Variants in ZNF66 observed in about 807,000 individuals in gnomAD.
ZNF66 encodes the protein putative zinc finger protein 66.
A neutral mutation model predicts 35.2 loss-of-function variants in ZNF66; 32 were observed. The observed-to-expected ratio is 0.91, with a 90% CI of 0.69 to 1.22. The LOEUF (loss-of-function observed/expected upper bound fraction) is 1.22. Ranked by LOEUF, ZNF66 falls within the 50% of genes most tolerant of loss-of-function variation. ZNF66 has a pLI of 0.00. For synonymous variants in ZNF66, 231 were observed against 181.3 expected (o/e 1.27, Z -2.20); for missense variants, 666 against 543.1 (o/e 1.23, Z -2.25).
rs763204346 is a variant in ZNF66 at position 20,806,402 on chromosome 19, C to T, written c.802C>T (p.Arg268Cys). Reference protein sequence around the residue: ...KCEECGKAFKRSSILTTHKRI... With the variant: ...KCEECGKAFKCSSILTTHKRI... ...TGAAGAATGTGGCAAGGCCTTTAAGCGCTCCTCTATCCTTACTACACATAA... is the reference window on the plus strand; with the variant it reads ...TGAAGAATGTGGCAAGGCCTTTAAGTGCTCCTCTATCCTTACTACACATAA... Residue 268 changes from arginine to cysteine, a missense_variant, in exon 4 of 4, where the codon CGC becomes TGC. Transcript: ENST00000344519. The T allele has an allele frequency of 7.1e-4, 1,098 of 1,538,396 alleles. 3 individuals carry two copies. The highest frequency in any genetic ancestry group is 9.1e-4 in the Non-Finnish European group (1,029 of 1,124,824).
At chr19:20,793,332 C>CTTTTCTTTTTT (rs1555782697) in intron 2 of ZNF66, among the ~76,000 whole-genome samples, 1 of 84,608 alleles carries the variant, frequency 1.2e-5, no homozygotes, top group East Asian at 3.8e-4. Flanking sequence ...CTTTTCTTTT[C>CTTTTCTTTTTT]TTTTTTTTTT....
At chr19:20,784,569 C>G (rs999392189) in intron 1 of ZNF66, 1 of 152,120 alleles carries the variant, frequency 6.6e-6, no homozygotes, top group Non-Finnish European at 1.5e-5. Context: ...TTCCACTATA[C>G]GAACACAATC....
At chr19:20,791,104 C>T (rs1162751884) in intron 1 of ZNF66, among the ~76,000 whole-genome samples, 1 of 152,124 alleles carries the variant, frequency 6.6e-6, no homozygotes, top group Non-Finnish European at 1.5e-5. Flanking sequence ...TTGGGGAAAA[C>T]TGTGGTCCTT....
At chr19:20,778,169 C>T (rs1003462958) in intron 1 of ZNF66, among the ~76,000 whole-genome samples, 3 of 152,222 alleles carry the variant, frequency 2.0e-5, no homozygotes, top group East Asian at 1.9e-4. Context: ...GGCGTGATCT[C>T]GGCTCACGCA....
intron 1 of ZNF66, among the ~76,000 whole-genome samples, chr19:20,781,468 A>G (rs938074349): frequency 5.3e-5 from 8 of 151,452 alleles, no homozygotes; most frequent in Admixed American, 5.3e-4. Context: ...CTTACTTATA[A>G]ATGATAGTAC....
chr19:20,792,684 T>C, intron 2 of ZNF66, 46 bp downstream of exon 2: 1 of 1,060,562 alleles, frequency 9.4e-7, no homozygotes, highest in Non-Finnish European at 1.4e-6. Flanking sequence ...ACAAATTGTT[T>C]TATTTCTCTT....
intron 3 of ZNF66, among the ~76,000 whole-genome samples, chr19:20,795,360 T>C (rs1214484050): frequency 1.6e-5 from 2 of 124,078 alleles, no homozygotes; most frequent in African/African-American, 6.0e-5. Context: ...GTGGGTTTCT[T>C]TTTTTCTTTT....
chr19:20,795,095 A>G (rs933626367), intron 3 of ZNF66, among the ~76,000 whole-genome samples: 1 of 151,918 alleles, frequency 6.6e-6, no homozygotes, highest in African/African-American at 2.4e-5. Context: ...GGCTGGTCTC[A>G]AACTCCTGAC....
At chr19:20,789,835 T>TG (rs2144899499) in intron 1 of ZNF66, among the ~76,000 whole-genome samples, 1 of 152,338 alleles carries the variant, frequency 6.6e-6, no homozygotes, top group Admixed American at 6.5e-5. Context: ...ATCATGCTCT[T>TG]GAGCACACAG....
intron 1 of ZNF66, among the ~76,000 whole-genome samples, chr19:20,776,758 T>C (rs1230251913): frequency 6.6e-6 from 1 of 152,014 alleles, no homozygotes; most frequent in Non-Finnish European, 1.5e-5. Flanking sequence ...TGACTCGCGG[T>C]GCGGGTTCAT....
intron 1 of ZNF66, among the ~76,000 whole-genome samples, chr19:20,790,261 G>C (rs537403829): frequency 1.3e-5 from 2 of 152,246 alleles, no homozygotes; most frequent in Non-Finnish European, 2.9e-5. Flanking sequence ...CTCCCCACAG[G>C]TTCTGTTTAT....
intron 3 of ZNF66, among the ~76,000 whole-genome samples, chr19:20,803,735 T>C (rs920339378): frequency 1.1e-4 from 17 of 150,574 alleles, no homozygotes; most frequent in Admixed American, 7.2e-4. Context: ...TTATTTTCAG[T>C]GGAGGAAACT....
intron 1 of ZNF66, among the ~76,000 whole-genome samples, chr19:20,786,391 A>G (rs1971287392): frequency 2.0e-5 from 3 of 152,148 alleles, no homozygotes; most frequent in Admixed American, 1.3e-4. Flanking sequence ...TTCAGAGAAT[A>G]TGGAGCCCAG....
At chr19:20,794,349 A>T (rs1971371620) in intron 3 of ZNF66, 1 of 154,518 alleles carries the variant, frequency 6.5e-6, no homozygotes, top group Non-Finnish European at 1.4e-5. Context: ...ATTACTATAT[A>T]GTCTTGAAAT....
At chr19:20,798,375 G>A (rs1971415144) in intron 3 of ZNF66, among the ~76,000 whole-genome samples, 1 of 151,968 alleles carries the variant, frequency 6.6e-6, no homozygotes, top group African/African-American at 2.4e-5. Context: ...AAGACAGGAG[G>A]ATACCTGGAG....
chr19:20,801,953 G>A (rs1362766458), intron 3 of ZNF66, among the ~76,000 whole-genome samples: 3 of 137,370 alleles, frequency 2.2e-5, no homozygotes, highest in Admixed American at 2.1e-4. Flanking sequence ...TGAGAGTCCT[G>A]TATTTTTGTA....
At chr19:20,795,026 A>C (rs1971378440) in intron 3 of ZNF66, among the ~76,000 whole-genome samples, 1 of 151,468 alleles carries the variant, frequency 6.6e-6, no homozygotes, top group African/African-American at 2.4e-5. Context: ...TGTTCACCAC[A>C]ACACCCAGCT....
At chr19:20,776,609 G>A (rs984201319) in intron 1 of ZNF66, 159 bp downstream of exon 1, 26 of 1,077,290 alleles carry the variant, frequency 2.4e-5, no homozygotes, top group African/African-American at 4.7e-5. Context: ...TGACAGCCTG[G>A]CCCCCGGGCG....
intron 3 of ZNF66, among the ~76,000 whole-genome samples, chr19:20,795,906 T>C (rs1345386442): frequency 1.3e-5 from 2 of 152,178 alleles, no homozygotes; most frequent in Non-Finnish European, 2.9e-5. Context: ...TGGGACCAAG[T>C]TGGGTGAACC....
Sources: gnomAD v4.1 joint callset for allele counts (sites outside exome capture counted in the v4.1 genomes callset) on GRCh38, gnomAD v4.1.1 for gene constraint, MANE v1.5 for transcripts, NCBI Gene and HGNC (gene_info 2026-07-23, HGNC 2026-07-21) for gene names.